CDKAL1: variants seen among roughly 807,000 people sequenced by gnomAD.
The protein encoded by CDKAL1 is threonylcarbamoyladenosine tRNA methylthiotransferase.
A neutral mutation model predicts 68.2 loss-of-function variants in CDKAL1; 32 were observed. That is an observed-to-expected ratio of 0.47 (90% CI 0.35 to 0.63). The LOEUF (loss-of-function observed/expected upper bound fraction) is 0.63, where lower values mean the gene tolerates loss of function less well. Ranked by LOEUF, CDKAL1 falls within the 30% of genes least tolerant of loss-of-function variation. CDKAL1 has a pLI of 0.00. For synonymous variants in CDKAL1, 234 were observed against 244.3 expected (o/e 0.96, Z 0.39); for missense variants, 606 against 696.7 (o/e 0.87, Z 1.47).
intron 6 of CDKAL1, among the ~76,000 whole-genome samples, chr6:20,740,678 T>TCAA (rs1443024063): frequency 1.3e-5 from 2 of 152,214 alleles, no homozygotes; most frequent in Non-Finnish European, 2.9e-5. Context: ...GGTTCTTGTA[T>TCAA]CATGTTCTCA....
At chr6:20,543,721 T>A (rs55989788) in intron 2 of CDKAL1, among the ~76,000 whole-genome samples, 4 of 151,192 alleles carry the variant, frequency 2.6e-5, no homozygotes, top group African/African-American at 4.9e-5. Context: ...TTTTATAATA[T>A]TATGTTTTAC....
At chr6:21,142,572 G>A (rs778490344) in intron 13 of CDKAL1, among the ~76,000 whole-genome samples, 5 of 152,212 alleles carry the variant, frequency 3.3e-5, no homozygotes, top group Non-Finnish European at 7.3e-5. Flanking sequence ...AGCAGGTTAT[G>A]GGAGGCAGTG....
At chr6:20,734,343 GT>G (rs1160390360) in intron 5 of CDKAL1, among the ~76,000 whole-genome samples, 1 of 151,962 alleles carries the variant, frequency 6.6e-6, no homozygotes, top group African/African-American at 2.4e-5. Flanking sequence ...AATTTATATT[GT>G]TTTTATATTA....
intron 4 of CDKAL1, among the ~76,000 whole-genome samples, chr6:20,583,684 T>C (rs561647868): frequency 6.6e-5 from 10 of 152,168 alleles, no homozygotes; most frequent in Non-Finnish European, 1.5e-4. Flanking sequence ...ATGGAAATGC[T>C]AAGAGTCTTA....
intron 10 of CDKAL1, among the ~76,000 whole-genome samples, chr6:20,974,978 C>CAAAAAAAAAAAAAAAAAAAAAA (rs11330322): frequency 3.2e-5 from 2 of 62,914 alleles, no homozygotes; most frequent in African/African-American, 6.4e-5. Context: ...GACCCTATCT[C>CAAAAAAAAAAAAAAAAAAAAAA]AAAAAAAAAA....
chr6:20,557,270 CTG>C, intron 4 of CDKAL1, among the ~76,000 whole-genome samples: 1 of 151,954 alleles, frequency 6.6e-6, no homozygotes, highest in East Asian at 1.9e-4. Flanking sequence ...AAGATGATGT[CTG>C]TTGTTAATAT....
intron 10 of CDKAL1, among the ~76,000 whole-genome samples, chr6:20,959,277 T>C (rs1164535520): frequency 6.6e-6 from 1 of 152,142 alleles, no homozygotes; most frequent in African/African-American, 2.4e-5. Context: ...ATGATATAGC[T>C]GACAAAAGAT....
intron 8 of CDKAL1, among the ~76,000 whole-genome samples, chr6:20,816,593 T>C (rs1777057032): frequency 6.6e-6 from 1 of 152,156 alleles, no homozygotes; most frequent in Non-Finnish European, 1.5e-5. Context: ...TTCTTGAAAA[T>C]AATTTAATTG....
chr6:20,783,048 G>GC (rs1775500612), intron 8 of CDKAL1, among the ~76,000 whole-genome samples: 1 of 151,964 alleles, frequency 6.6e-6, no homozygotes. Flanking sequence ...TCCTGTCTCA[G>GC]CCTCCCGAGT....
intron 5 of CDKAL1, among the ~76,000 whole-genome samples, chr6:20,660,733 C>T (rs532661347): frequency 6.6e-6 from 1 of 152,268 alleles, no homozygotes; most frequent in African/African-American, 2.4e-5. Context: ...ATTATAATTA[C>T]TCAATACATG....
At chr6:20,541,868 C>T (rs934566231) in intron 2 of CDKAL1, among the ~76,000 whole-genome samples, 7 of 152,226 alleles carry the variant, frequency 4.6e-5, no homozygotes, top group African/African-American at 1.7e-4. Flanking sequence ...CTATGTTGGT[C>T]AGGCTGGTCA....
chr6:21,065,243 T>G lies in CDKAL1; in HGVS notation c.1236+15T>G, dbSNP rs1360160705. The G allele has an allele frequency of 6.3e-7, 1 of 1,589,546 alleles. No homozygotes were observed. The highest frequency in any genetic ancestry group is 1.8e-5 in the Admixed American group (1 of 56,296). On this transcript the variant is annotated intron_variant, in intron 12 of 15. Transcript: ENST00000274695. ...CAGCACAAGTGGTAAGATCTTTTTCTTGTAAGGTATTGTTTTTTGCCAGTA... is the reference window on the plus strand; with the variant it reads ...CAGCACAAGTGGTAAGATCTTTTTCGTGTAAGGTATTGTTTTTTGCCAGTA...
intron 9 of CDKAL1, among the ~76,000 whole-genome samples, chr6:20,945,593 C>T (rs988001741): frequency 2.6e-5 from 4 of 152,060 alleles, no homozygotes; most frequent in Non-Finnish European, 5.9e-5. Flanking sequence ...GTGGTTCAAA[C>T]GTTAAGACTC....
intron 4 of CDKAL1, among the ~76,000 whole-genome samples, chr6:20,575,529 A>G (rs1581751110): frequency 6.6e-6 from 1 of 151,948 alleles, no homozygotes; most frequent in African/African-American, 2.4e-5. Context: ...ACAGAAATTC[A>G]TATGATTTTT....
intron 4 of CDKAL1, among the ~76,000 whole-genome samples, chr6:20,629,474 C>T (rs1767579060): frequency 6.6e-6 from 1 of 152,154 alleles, no homozygotes; most frequent in South Asian, 2.1e-4. Context: ...ATTTCCCCTT[C>T]CTCTTCAAAC....
chr6:21,128,061 A>G (rs1403408322), intron 13 of CDKAL1, among the ~76,000 whole-genome samples: 1 of 152,214 alleles, frequency 6.6e-6, no homozygotes. Context: ...ACGGTCCCTG[A>G]CTTACAATGG....
intron 12 of CDKAL1, among the ~76,000 whole-genome samples, chr6:21,103,170 G>T (rs1773666807): frequency 6.6e-6 from 1 of 152,070 alleles, no homozygotes; most frequent in African/African-American, 2.4e-5. Context: ...TTAGAGAATG[G>T]GTACAGAAAG....
chr6:20,773,596 G>A (rs1416179581), intron 7 of CDKAL1, among the ~76,000 whole-genome samples: 3 of 151,842 alleles, frequency 2.0e-5, no homozygotes, highest in African/African-American at 4.8e-5. Context: ...AGCCCAGGCT[G>A]GAGTGCAGTG....
At chr6:21,055,297 T>C (rs1389214282) in intron 11 of CDKAL1, among the ~76,000 whole-genome samples, 1 of 152,212 alleles carries the variant, frequency 6.6e-6, no homozygotes, top group Non-Finnish European at 1.5e-5. Flanking sequence ...TCCTTGTTTA[T>C]GAGAGATATT....
Sources: allele counts gnomAD v4.1 joint callset (sites outside exome capture counted in the v4.1 genomes callset), GRCh38; gene constraint gnomAD v4.1.1; transcripts MANE v1.5; gene names NCBI Gene and HGNC (gene_info 2026-07-23, HGNC 2026-07-21).